TTC6: variants seen among roughly 807,000 people sequenced by gnomAD.
The protein encoded by TTC6 is tetratricopeptide repeat domain 6.
TTC6 carries 172 observed loss-of-function variants against 210.4 expected under a neutral mutation model. The ratio of observed to expected loss-of-function variants is 0.82; its 90% confidence interval spans 0.72 to 0.93. TTC6 has a LOEUF of 0.93. Among genes scored for constraint, TTC6 ranks in the 40% least tolerant of loss-of-function variants. The pLI is 0.00. For synonymous variants in TTC6, 804 were observed against 819.6 expected, an observed-to-expected ratio of 0.98 and a Z score of 0.32; for missense variants, 2,414 against 2,318.1, an observed-to-expected ratio of 1.04 and a Z score of -0.85.
intron 15 of TTC6, among the ~76,000 whole-genome samples, chr14:37,789,251 C>T (rs949614156): frequency 6.6e-6 from 1 of 152,058 alleles, no homozygotes; most frequent in African/African-American, 2.4e-5. Flanking sequence ...GCTAGGAGCT[C>T]GGTACTATTT....
chr14:37,678,702 C>T (rs2095775876), intron 1 of TTC6, among the ~76,000 whole-genome samples: 1 of 152,172 alleles, frequency 6.6e-6, no homozygotes, highest in African/African-American at 2.4e-5. Flanking sequence ...TCTGTCATCA[C>T]AGTTCTGCAC....
chr14:37,691,255 G>A (rs959883236), intron 3 of TTC6, among the ~76,000 whole-genome samples: 14 of 152,048 alleles, frequency 9.2e-5, no homozygotes, highest in Non-Finnish European at 1.3e-4. Context: ...GTTTGAAACC[G>A]GCAGTTGGAG....
chr14:37,707,331 A>G (rs2095837367), intron 5 of TTC6, among the ~76,000 whole-genome samples: 1 of 151,884 alleles, frequency 6.6e-6, no homozygotes, highest in Non-Finnish European at 1.5e-5. Context: ...TTTTTGTTTT[A>G]TGTTGAGTAA....
At chr14:37,810,687 C>G (rs1179228047) in intron 24 of TTC6, among the ~76,000 whole-genome samples, 1 of 152,162 alleles carries the variant, frequency 6.6e-6, no homozygotes, top group Non-Finnish European at 1.5e-5. Flanking sequence ...TTGCTATCTC[C>G]CTCCACCTGT....
At chr14:37,671,173 T>C (rs543885342) in intron 1 of TTC6, among the ~76,000 whole-genome samples, 1 of 152,288 alleles carries the variant, frequency 6.6e-6, no homozygotes, top group South Asian at 2.1e-4. Flanking sequence ...GATGCCTCAG[T>C]CATAAGACTG....
At chr14:37,712,518 C>A (rs2095846208) in intron 5 of TTC6, among the ~76,000 whole-genome samples, 1 of 152,064 alleles carries the variant, frequency 6.6e-6, no homozygotes, top group Non-Finnish European at 1.5e-5. Flanking sequence ...CAAGACAGAC[C>A]CAAGACTGGG....
At chr14:37,618,485 A>G (rs2095646257), upstream of TTC6, among the ~76,000 whole-genome samples, 1 of 152,238 alleles carries the variant, frequency 6.6e-6, no homozygotes, top group African/African-American at 2.4e-5. Context: ...TTTTTCCTTT[A>G]GAGACAACTA....
At position 37,654,091 on chromosome 14, in the gene TTC6, T is replaced by TGTATAGTTTGTATA. The variant is rs1329571101; in HGVS notation, c.940-26058_940-26057insATAGTTTGTATAGT. On this transcript the variant is annotated intron_variant, in intron 1 of 30. Coordinates refer to ENST00000553443, the Ensembl canonical transcript of TTC6. ...AGATGCTTAATATAGTTTGTATGTTTGTTCATGCCCAAATCTCATACTGAA... is the reference window on the plus strand; with the variant it reads ...AGATGCTTAATATAGTTTGTATGTTTGTATAGTTTGTATAGTTCATGCCCAAATCTCATACTGAA... Among the ~76,000 whole-genome samples, 354 of 152,342 alleles carry TGTATAGTTTGTATA rather than the reference T, an allele frequency of 2.3e-3. 1 individual carries two copies. Among genetic ancestry groups the TGTATAGTTTGTATA allele is most frequent in the African/African-American group, 8.1e-3 (338 of 41,578 alleles).
intron 20 of TTC6, among the ~76,000 whole-genome samples, chr14:37,803,137 C>T (rs2139397361): frequency 1.3e-5 from 2 of 152,150 alleles, no homozygotes; most frequent in South Asian, 4.2e-4. Flanking sequence ...TATTTGAGGA[C>T]TGCTTTTTTA....
At chr14:37,651,409 ATATATATATATATATATTTTTTTTTTTTT>A (rs1168251334) in intron 1 of TTC6, among the ~76,000 whole-genome samples, 83 of 19,344 alleles carry the variant, frequency 4.3e-3, no homozygotes, top group African/African-American at 8.2e-3. Flanking sequence ...ATATATATAT[ATATATATATATATATATTTTTTTTTTTTT>A]TTTTTTTTTT....
intron 14 of TTC6, among the ~76,000 whole-genome samples, chr14:37,780,783 T>G (rs2096052434): frequency 6.6e-6 from 1 of 152,188 alleles, no homozygotes; most frequent in Middle Eastern, 3.4e-3. Context: ...ATCCCTAGCC[T>G]CCCACCCACC....
At chr14:37,609,882 A>G (rs1417918256) in intron 2 of TTC6, among the ~76,000 whole-genome samples, 1 of 152,218 alleles carries the variant, frequency 6.6e-6, no homozygotes, top group African/African-American at 2.4e-5. Context: ...CACTTAGAGT[A>G]AAGCTGCCCA....
intron 14 of TTC6, among the ~76,000 whole-genome samples, chr14:37,764,244 C>T (rs2095992278): frequency 6.6e-6 from 1 of 152,124 alleles, no homozygotes; most frequent in Non-Finnish European, 1.5e-5. Flanking sequence ...AATTTGTACT[C>T]AGCTGTTGTT....
chr14:37,727,975 G>A (rs2095877104), intron 7 of TTC6, among the ~76,000 whole-genome samples: 2 of 152,058 alleles, frequency 1.3e-5, no homozygotes, highest in Admixed American at 1.3e-4. Context: ...TTGATATTGT[G>A]GCCAGACTAA....
At chr14:37,783,674 TTTTGAA>T (rs2096060825) in intron 14 of TTC6, among the ~76,000 whole-genome samples, 1 of 152,184 alleles carries the variant, frequency 6.6e-6, no homozygotes, top group Admixed American at 6.5e-5. Context: ...TTCTGCTAGC[TTTTGAA>T]TGTGTTTGCT....
chr14:37,778,421 G>T (rs1291654788), intron 14 of TTC6, among the ~76,000 whole-genome samples: 4 of 148,240 alleles, frequency 2.7e-5, no homozygotes, highest in African/African-American at 9.7e-5. Flanking sequence ...TGATCTCCAT[G>T]TGTGTGTCTG....
At chr14:37,683,149 G>T (rs950287711) in intron 3 of TTC6, among the ~76,000 whole-genome samples, 185 bp downstream of exon 5, 1 of 152,080 alleles carries the variant, frequency 6.6e-6, no homozygotes, top group Admixed American at 6.6e-5. Context: ...CATGTTTTTT[G>T]AGGGTTTCTA....
intron 14 of TTC6, among the ~76,000 whole-genome samples, chr14:37,753,605 A>G (rs2095958724): frequency 6.6e-6 from 1 of 152,108 alleles, no homozygotes; most frequent in Non-Finnish European, 1.5e-5. Context: ...GTCTCACACT[A>G]TCACCCTGTC....
At chr14:37,762,992 C>T (rs1595217379) in intron 14 of TTC6, among the ~76,000 whole-genome samples, 1 of 150,346 alleles carries the variant, frequency 6.7e-6, no homozygotes, top group East Asian at 2.0e-4. Context: ...TCACGCCATT[C>T]TCCTGCCTCA....
Sources: gnomAD v4.1 joint callset for allele counts (sites outside exome capture counted in the v4.1 genomes callset) on GRCh38, gnomAD v4.1.1 for gene constraint, MANE v1.5 for transcripts, NCBI Gene and HGNC (gene_info 2026-07-23, HGNC 2026-07-21) for gene names.